SCAMP1: variants seen among roughly 807,000 people sequenced by gnomAD.
SCAMP1 encodes secretory carrier membrane protein 1, also known as secretory carrier-associated membrane protein 1.
SCAMP1 carries 15 observed loss-of-function variants against 41.8 expected under a neutral mutation model. The ratio of observed to expected loss-of-function variants is 0.36; its 90% CI spans 0.24 to 0.55. SCAMP1 has a LOEUF of 0.55. SCAMP1 is among the 20% of genes least tolerant of loss of function. The pLI, the probability that SCAMP1 is intolerant of heterozygous loss-of-function variation, is 0.86. For synonymous variants in SCAMP1, 135 were observed against 136.8 expected (o/e 0.99, Z 0.09); for missense variants, 341 against 412.6 (o/e 0.83, Z 1.50).
Position 78,421,730 on chromosome 5 carries a change from A to T in SCAMP1, c.473-71A>T, listed in dbSNP as rs560650742. 9.1e-4 allele frequency: 1,253 copies of T among 1,370,476 alleles called. 2 individuals are homozygous for T. Among genetic ancestry groups the T allele is most frequent in the Non-Finnish European group, 1.2e-3 (1,205 of 988,116 alleles). 84.9% of individuals were successfully genotyped at this position (1,370,476 alleles called of 1,614,324 possible). ...CTTAGGAAGTATTTTTTTATTTACA[A>T]TTTTTTGTTGGATGAATTCATAAAT... On this transcript the variant is annotated intron_variant, in intron 5 of 8. Coordinates refer to ENST00000621999, the MANE Select transcript of SCAMP1 (RefSeq NM_004866.6).
At chr5:78,362,380 A>G (rs750194420) in intron 1 of SCAMP1, among the ~76,000 whole-genome samples, 19 of 152,212 alleles carry the variant, frequency 1.2e-4, no homozygotes, top group Non-Finnish European at 2.8e-4. Context: ...TTGTTAGGGC[A>G]AAACATTGTC....
chr5:78,405,469 T>G (rs571979778), intron 2 of SCAMP1, among the ~76,000 whole-genome samples: 3 of 152,328 alleles, frequency 2.0e-5, no homozygotes, highest in South Asian at 2.1e-4. Context: ...CTCACCTCCT[T>G]GAAGTCTTTG....
intron 1 of SCAMP1, among the ~76,000 whole-genome samples, chr5:78,371,591 G>A (rs546791680): frequency 6.6e-6 from 1 of 152,176 alleles, no homozygotes; most frequent in East Asian, 1.9e-4. Context: ...TAACTTGTCC[G>A]GCTTCTAAAA....
chr5:78,459,350 T>A lies in SCAMP1; in HGVS notation c.840T>A (p.Val280=). Residue 280 remains valine, a synonymous_variant, in exon 8 of 9, where the codon GTT becomes GTA. Coordinates refer to ENST00000621999, the MANE Select transcript of SCAMP1 (RefSeq NM_004866.6). ...CAGCATCAGCAGTCATCTCACTAGT[T>A]ATGTTCAAAAAAGTAAGTGAAATTT... ...LFTASAVISL[V]MFKKVHGLYR... is the part of the protein sequence containing the mutation. The A allele has an allele frequency of 6.6e-7, 1 of 1,524,362 alleles. No homozygotes were observed. Among genetic ancestry groups the A allele is most frequent in the Non-Finnish European group, 9.1e-7 (1 of 1,103,850 alleles). The allele number at this position is 1,524,362 out of a possible 1,614,324, so 94.4% of individuals were successfully genotyped here.
At chr5:78,380,284 G>C (rs1751169122) in intron 1 of SCAMP1, among the ~76,000 whole-genome samples, 1 of 152,158 alleles carries the variant, frequency 6.6e-6, no homozygotes, top group Admixed American at 6.6e-5. Flanking sequence ...ATAGAATTTT[G>C]CTGATATTTC....
chr5:78,362,917 G>T (rs1423148455), intron 1 of SCAMP1, among the ~76,000 whole-genome samples: 6 of 139,434 alleles, frequency 4.3e-5, no homozygotes, highest in African/African-American at 2.6e-5. Context: ...TTTTGAGACG[G>T]AGTCTTGCAC....
chr5:78,460,502 G>A (rs569483283), intron 8 of SCAMP1, among the ~76,000 whole-genome samples: 1 of 151,946 alleles, frequency 6.6e-6, no homozygotes, highest in African/African-American at 2.4e-5. Flanking sequence ...TCTCTGATTG[G>A]TGATGTTGAG....
At position 78,478,448 on chromosome 5, in the gene SCAMP1, T is replaced by G. The variant is rs1455500350; in HGVS notation, c.*2780T>G. The G allele has an allele frequency of 6.6e-6, 1 of 152,564 alleles. No homozygotes were observed. The allele number at this position is 152,564 out of a possible 1,614,324, so 9.5% of individuals were successfully genotyped here. On this transcript the variant is annotated 3_prime_UTR_variant, in exon 9 of 9. Transcript: ENST00000621999. ...AGACCTAGTTAAAAATTCTAACCAA[T>G]GTAAAATGACCATTTTTCTGTTGCA...
At chr5:78,412,928 A>G (rs1380397023) in intron 2 of SCAMP1, among the ~76,000 whole-genome samples, 1 of 152,160 alleles carries the variant, frequency 6.6e-6, no homozygotes, top group African/African-American at 2.4e-5. Context: ...ACAGATACTT[A>G]CTGAGCATCT....
At chr5:78,422,088 A>G (rs1407402936) in intron 6 of SCAMP1, 128 bp downstream of exon 6, 3 of 759,842 alleles carry the variant, frequency 3.9e-6, no homozygotes, top group Non-Finnish European at 4.1e-6. Context: ...ACATACCTTC[A>G]GGAAAGTTCA....
chr5:78,401,378 C>A (rs1751793492), intron 2 of SCAMP1, among the ~76,000 whole-genome samples: 1 of 152,066 alleles, frequency 6.6e-6, no homozygotes, highest in African/African-American at 2.4e-5. Flanking sequence ...TTGCTTCTTT[C>A]CTCCGATTGA....
chr5:78,398,924 T>C (rs1304411792), intron 2 of SCAMP1, among the ~76,000 whole-genome samples: 3 of 152,190 alleles, frequency 2.0e-5, no homozygotes, highest in African/African-American at 2.4e-5. Context: ...TATAACATCA[T>C]ACCGAATAGT....
In SCAMP1 at chr5:78,475,519, C is replaced by T; in HGVS notation, c.868C>T (p.Arg290Cys). ...VMFKKVHGLY[R>C]TTGASFEKAQ... ...GCCTCTGTAGGTACATGGACTATAT[C>T]GCACAACAGGTGCTAGTTTTGAGAA... Residue 290 changes from arginine (R) to cysteine (C), a missense_variant, in exon 9 of 9, where the codon CGC becomes TGC. Coordinates refer to ENST00000621999, the MANE Select transcript of SCAMP1 (RefSeq NM_004866.6). 1.9e-6 allele frequency: 3 copies of T among 1,607,192 alleles called. No individual in the cohort carries two copies. Among genetic ancestry groups the T allele is most frequent in the Non-Finnish European group, 1.7e-6 (2 of 1,177,584 alleles).
Position 78,430,886 on chromosome 5 carries a change from A to G in SCAMP1, c.632+8926A>G, listed in dbSNP as rs371940245. Among the ~76,000 whole-genome samples the G allele has an allele frequency of 2.1e-4, 32 of 152,200 alleles. No homozygotes were observed. The East Asian group carries it at 3.9e-3, about 18-fold the overall frequency. ...TCTTGACTAGCTCTTTAACTAGTGT[A>G]GTTAGTATTTGTTACAAAGTTCTCT... On this transcript the variant is annotated intron_variant, in intron 6 of 8. Transcript: ENST00000621999.
intron 7 of SCAMP1, among the ~76,000 whole-genome samples, chr5:78,452,727 G>T (rs1405720385): frequency 6.7e-6 from 1 of 150,120 alleles, no homozygotes; most frequent in Non-Finnish European, 1.5e-5. Context: ...TGGGTCAAAT[G>T]GTATTTCTAG....
intron 1 of SCAMP1, among the ~76,000 whole-genome samples, chr5:78,378,377 T>C (rs370294221): frequency 3.9e-5 from 6 of 152,294 alleles, no homozygotes; most frequent in African/African-American, 1.4e-4. Flanking sequence ...TTCCAGCAGG[T>C]GAAAGCACTG....
intron 6 of SCAMP1, among the ~76,000 whole-genome samples, chr5:78,432,006 A>G (rs1468384144): frequency 6.6e-6 from 1 of 152,066 alleles, no homozygotes; most frequent in African/African-American, 2.4e-5. Flanking sequence ...TAAAATCTAC[A>G]ATTATTTTGA....
At chr5:78,461,886 G>A (rs917262850) in intron 8 of SCAMP1, among the ~76,000 whole-genome samples, 20 of 152,154 alleles carry the variant, frequency 1.3e-4, no homozygotes, top group Admixed American at 1.2e-3. Context: ...GCAATATGAT[G>A]CCTCTGGCTT....
chr5:78,474,985 C>T (rs1281773608), intron 8 of SCAMP1, among the ~76,000 whole-genome samples: 3 of 152,102 alleles, frequency 2.0e-5, no homozygotes, highest in African/African-American at 7.2e-5. Flanking sequence ...AAATTGTATA[C>T]AGAGTGCATA....
Sources: gnomAD v4.1 joint callset for allele counts (sites outside exome capture counted in the v4.1 genomes callset) on GRCh38, gnomAD v4.1.1 for gene constraint, MANE v1.5 for transcripts, NCBI Gene and HGNC (gene_info 2026-07-23, HGNC 2026-07-21) for gene names.